CARM1: variants seen among roughly 807,000 people sequenced by gnomAD.
CARM1 encodes histone-arginine methyltransferase CARM1.
Under a neutral mutation model 72.7 loss-of-function variants are expected in CARM1, and 14 were observed. That is an observed-to-expected ratio of 0.19 (90% confidence interval 0.13 to 0.30). The LOEUF is 0.30. Ranked by LOEUF, CARM1 falls within the 10% of genes least tolerant of loss-of-function variation. CARM1 has a pLI of 1.00. For synonymous variants in CARM1, 333 were observed against 345.5 expected, an observed-to-expected ratio of 0.96 and a Z score of 0.40; for missense variants, 432 against 833.7, an observed-to-expected ratio of 0.52 and a Z score of 5.93.
intron 1 of CARM1, among the ~76,000 whole-genome samples, 171 bp from the exon 2 acceptor site, chr19:10,904,780 T>C (rs763860914): frequency 1.3e-5 from 2 of 152,168 alleles, no homozygotes; most frequent in Non-Finnish European, 2.9e-5. Flanking sequence ...TTGTCTTCCA[T>C]GTGGGCTGGG....
intron 1 of CARM1, among the ~76,000 whole-genome samples, chr19:10,899,022 C>T (rs2074044043): frequency 1.4e-5 from 2 of 145,304 alleles, no homozygotes; most frequent in Admixed American, 6.9e-5. Flanking sequence ...GAGAGGAACA[C>T]GGCTTAGCTT....
Position 10,920,798 on chromosome 19 carries a change from C to A in CARM1, c.1425-36C>A, listed in dbSNP as rs757394427. ...AGGGGGGCGCCCCGGCCCTGCAACC[C>A]CCTTGCCCCTGCCCATGGCTCTGTC... is the stretch of plus-strand genomic sequence containing the variant. On this transcript the variant is annotated intron_variant, in intron 12 of 15. Coordinates refer to ENST00000327064, the MANE Select transcript of CARM1 (RefSeq NM_199141.2). The surrounding 1 kb of genome is among the most constrained non-coding windows in gnomAD (Gnocchi z 5.3). 1 of 1,613,748 alleles carries A rather than the reference C, an allele frequency of 6.2e-7. No individual in the cohort carries two copies. Among genetic ancestry groups the A allele is most frequent in the Non-Finnish European group, 8.5e-7 (1 of 1,179,612 alleles).
Position 10,921,622 on chromosome 19 carries a change from C to G in CARM1, c.1692C>G (p.Ser564=), listed in dbSNP as rs150726474. The G allele has an allele frequency of 1.9e-6, 3 of 1,610,778 alleles. No individual in the cohort carries two copies. Among genetic ancestry groups the G allele is most frequent in the African/African-American group, 2.7e-5 (2 of 74,878 alleles). The change falls in exon 16 of 16, where the codon TCC becomes TCG. Residue 564 remains serine (S), a synonymous_variant. Coordinates refer to ENST00000327064, the MANE Select transcript of CARM1 (RefSeq NM_199141.2). Reference sequence around the variant, plus strand: ...CCATTGCCTGCTCCACAGGGTCCTCCGGCGCCCAGGGCAGTGGTGGTGGCA... The same window carrying G: ...CCATTGCCTGCTCCACAGGGTCCTCGGGCGCCCAGGGCAGTGGTGGTGGCA... ...IMSTGIVQGS[S]GAQGSGGGST...
intron 1 of CARM1, among the ~76,000 whole-genome samples, chr19:10,874,797 G>A (rs908388808): frequency 7.9e-5 from 12 of 152,148 alleles, no homozygotes; most frequent in Admixed American, 2.0e-4. Flanking sequence ...TGAGGCAGGC[G>A]AATCACTTGA....
rs148874746 is a variant in CARM1, at chr19:10,891,841, G to A, written c.221-13110G>A. ...TGGTTTCTCAGGCACATACAAGCGC[G>A]CACGCATAAATCTCTCCTCCAACCT... On this transcript the variant is annotated intron_variant, in intron 1 of 15. Coordinates refer to ENST00000327064, the MANE Select transcript of CARM1 (RefSeq NM_199141.2). Among the ~76,000 whole-genome samples, 200 of 152,326 alleles carry A rather than the reference G, an allele frequency of 1.3e-3. 2 individuals are homozygous for A. The highest frequency in any genetic ancestry group is 4.5e-3 in the African/African-American group (187 of 41,576).
chr19:10,918,500 G>A (rs1426373430), intron 8 of CARM1, among the ~76,000 whole-genome samples: 1 of 152,172 alleles, frequency 6.6e-6, no homozygotes, highest in Non-Finnish European at 1.5e-5. Context: ...TGGGATTATA[G>A]GCATAAGCCA....
At chr19:10,875,551 G>A (rs760172459) in intron 1 of CARM1, among the ~76,000 whole-genome samples, 28 of 151,540 alleles carry the variant, frequency 1.8e-4, no homozygotes, top group Non-Finnish European at 2.5e-4. Context: ...CAGCCTCCCG[G>A]GTAGCTGGGA....
chr19:10,880,210 CAA>C (rs1388457513), intron 1 of CARM1, among the ~76,000 whole-genome samples: 1 of 152,160 alleles, frequency 6.6e-6, no homozygotes, highest in Non-Finnish European at 1.5e-5. Flanking sequence ...GGTGAGTTTG[CAA>C]AGACATCCAG....
intron 1 of CARM1, 31 bp from the exon 2 acceptor site, chr19:10,904,920 A>T (rs1344269405): frequency 6.2e-6 from 10 of 1,611,742 alleles, no homozygotes; most frequent in Non-Finnish European, 8.5e-6. Context: ...ACAGGGCTGC[A>T]CCGCTCACGC....
At chr19:10,885,925 G>A (rs1276447926) in intron 1 of CARM1, among the ~76,000 whole-genome samples, 1 of 147,824 alleles carries the variant, frequency 6.8e-6, no homozygotes, top group African/African-American at 2.5e-5. Context: ...GAGACAGGGA[G>A]TGCAGCGGTG....
intron 9 of CARM1, 60 bp from the exon 10 acceptor site, chr19:10,919,817 T>C (rs1434846914): frequency 1.3e-6 from 2 of 1,516,938 alleles, no homozygotes; most frequent in Non-Finnish European, 9.1e-7. Flanking sequence ...TGGCACCCCC[T>C]CTTCTCTCTC....
chr19:10,871,637 G>GGCGGCGGCGGCAGCA lies in CARM1; in HGVS notation c.-64_-63insGGCGGCGGCAGCAGC, dbSNP rs1229015115. On this transcript the variant is annotated 5_prime_UTR_variant, in exon 1 of 16. Coordinates refer to ENST00000327064, the MANE Select transcript of CARM1 (RefSeq NM_199141.2). The surrounding 1 kb of genome is among the most constrained non-coding windows in gnomAD (Gnocchi z 5.6). ...CGGCGGCGGCGGCGGCGGCGGCGGC[G>GGCGGCGGCGGCAGCA]GCAGCGGCGGCGGCCTGGGCCCGGG... 1.2e-5 allele frequency: 2 copies of GGCGGCGGCGGCAGCA among 164,150 alleles called. No individual in the cohort carries two copies. The highest frequency in any genetic ancestry group is 1.3e-4 in the Admixed American group (1 of 7,750). The allele number at this position is 164,150 out of a possible 1,614,324, so 10.2% of individuals were successfully genotyped here. A position where few individuals can be genotyped will look rare whatever the true frequency, so the allele number is the denominator to read the frequency against.
intron 1 of CARM1, among the ~76,000 whole-genome samples, chr19:10,902,286 G>GTT (rs2074071666): frequency 7.5e-6 from 1 of 133,352 alleles, no homozygotes. Context: ...AATAATTGTT[G>GTT]TTTCTTTTTT....
intron 8 of CARM1, chr19:10,919,375 T>C: frequency 1.9e-6 from 1 of 537,534 alleles, no homozygotes; most frequent in Non-Finnish European, 3.3e-6. Context: ...TAGTGCCAAA[T>C]CTTTTATGTG....
At chr19:10,886,941 T>C (rs1449737156) in intron 1 of CARM1, among the ~76,000 whole-genome samples, 1 of 152,198 alleles carries the variant, frequency 6.6e-6, no homozygotes, top group Non-Finnish European at 1.5e-5. Context: ...TGCCTCAGCA[T>C]TCTGAGGAGC....
chr19:10,884,095 C>T (rs1447656256), intron 1 of CARM1, among the ~76,000 whole-genome samples: 9 of 148,686 alleles, frequency 6.1e-5, no homozygotes, highest in Non-Finnish European at 1.3e-4. Flanking sequence ...GTAATCCCAG[C>T]ACTTTGGGAG....
chr19:10,871,997 G>T lies in CARM1; in HGVS notation c.220+75G>T, dbSNP rs1218445573. 1.7e-5 allele frequency: 19 copies of T among 1,125,484 alleles called. 1 individual carries two copies. In the South Asian group the frequency reaches 6.1e-4, roughly 36 times the overall value. 69.7% of individuals were successfully genotyped at this position (1,125,484 alleles called of 1,614,324 possible). On this transcript the variant is annotated intron_variant, in intron 1 of 15. Transcript: ENST00000327064. This position sits in a 1 kb window ranked among gnomAD's most constrained non-coding sequence, Gnocchi z 5.6. ...CCGGCCCGGGGCGGGGGCCGGCGGG[G>T]AGGGGCCCTGAGCGCGGGGGCCTGG...
chr19:10,881,475 C>T (rs979850910), intron 1 of CARM1, among the ~76,000 whole-genome samples: 2 of 152,032 alleles, frequency 1.3e-5, no homozygotes, highest in Non-Finnish European at 2.9e-5. Flanking sequence ...CAGGGACAGG[C>T]GAGAAGCTTT....
At chr19:10,914,622 C>G (rs897952167) in intron 6 of CARM1, among the ~76,000 whole-genome samples, 2 of 152,132 alleles carry the variant, frequency 1.3e-5, no homozygotes, top group Non-Finnish European at 2.9e-5. Context: ...GTGGTGCGAT[C>G]TCGGCTCACT....
Sources: allele counts gnomAD v4.1 joint callset (sites outside exome capture counted in the v4.1 genomes callset), GRCh38; gene constraint gnomAD v4.1.1; non-coding constraint Gnocchi (gnomAD v3.1); transcripts MANE v1.5; gene names NCBI Gene and HGNC (gene_info 2026-07-23, HGNC 2026-07-21).